REL: variants seen among roughly 807,000 people sequenced by gnomAD.
REL encodes the protein REL proto-oncogene, NF-kB subunit.
REL carries 15 observed loss-of-function variants against 45.9 expected under a neutral mutation model. The observed-to-expected ratio is 0.33, with a 90% CI of 0.22 to 0.50. The LOEUF is 0.50. REL is among the 20% of genes least tolerant of loss of function. The probability of loss-of-function intolerance (pLI) is 0.98; values close to 1 mark genes in which losing one functional copy is unlikely to be tolerated. For missense variants in REL, 601 were observed against 715.2 expected (o/e 0.84, Z 1.82); for synonymous variants, 239 against 242.1 (o/e 0.99, Z 0.12).
At position 60,925,010 on chromosome 2, in the gene REL, A is replaced by G. The variant is rs1381649068; in HGVS notation, c.*2475A>G. 1 of 202,446 alleles carries G rather than the reference A, an allele frequency of 4.9e-6. No homozygotes were observed. The highest frequency in any genetic ancestry group is 1.0e-5 in the Non-Finnish European group (1 of 98,446). The allele number at this position is 202,446 out of a possible 1,614,324, so 12.5% of individuals were successfully genotyped here. ...TTATATTTTGGAGTTTTCATTTGAT[A>G]TATAATTATTTATTTTGCCCTTTTA... On this transcript the variant is annotated 3_prime_UTR_variant, in exon 10 of 10. Transcript: ENST00000394479.
intron 2 of REL, among the ~76,000 whole-genome samples, chr2:60,893,433 G>A (rs1200727687): frequency 6.6e-6 from 1 of 152,092 alleles, no homozygotes; most frequent in Non-Finnish European, 1.5e-5. Flanking sequence ...AGGAAATAAG[G>A]AAATACTATT....
Position 60,930,500 on chromosome 2 carries a change from T to C in REL, c.*7965T>C, listed in dbSNP as rs1674362762. 6.6e-6 allele frequency: 1 copy of C among 152,356 alleles called. No individual in the cohort carries two copies. The allele number at this position is 152,356 out of a possible 1,614,324, so 9.4% of individuals were successfully genotyped here. On this transcript the variant is annotated 3_prime_UTR_variant, in exon 10 of 10. Coordinates refer to ENST00000394479, the MANE Select transcript of REL (RefSeq NM_001291746.2). ...TTGTCTGTATCTAGTTTTATGCCTT[T>C]TTTTTGCCTAAGACGTAGTCAAATT...
chr2:60,895,897 C>T (rs1050254847), intron 3 of REL, among the ~76,000 whole-genome samples: 1 of 152,174 alleles, frequency 6.6e-6, no homozygotes, highest in Admixed American at 6.5e-5. Context: ...TAAACTGATA[C>T]ATTCATGCAA....
At chr2:60,891,383 G>A (rs1038638297) in intron 1 of REL, among the ~76,000 whole-genome samples, 1 of 152,138 alleles carries the variant, frequency 6.6e-6, no homozygotes, top group Non-Finnish European at 1.5e-5. Flanking sequence ...AGATATCTCT[G>A]AAGTGGTTAT....
Position 60,923,262 on chromosome 2 carries a change from A to C in REL, c.*727A>C. 2 of 216,968 alleles carry C rather than the reference A, an allele frequency of 9.2e-6. No individual in the cohort carries two copies. Among genetic ancestry groups the C allele is most frequent in the Non-Finnish European group, 1.9e-5 (2 of 107,584 alleles). 13.4% of individuals were successfully genotyped at this position (216,968 alleles called of 1,614,324 possible). A position where few individuals can be genotyped will look rare whatever the true frequency, so the allele number is the denominator to read the frequency against. On this transcript the variant is annotated 3_prime_UTR_variant, in exon 10 of 10. Transcript: ENST00000394479. ...TTTGTATGTATATCAAAATGTCTTT[A>C]AAATGTTAAGTTGGGCAGAAGGCAG...
In REL at chr2:60,891,706, A is replaced by G. The variant is rs920348659; in HGVS notation, c.34A>G (p.Ile12Val). The G allele has an allele frequency of 2.9e-5, 47 of 1,613,756 alleles. No homozygotes were observed. Among genetic ancestry groups the G allele is most frequent in the Non-Finnish European group, 3.8e-5 (45 of 1,179,896 alleles). The change falls in exon 2 of 10, where the codon ATA (isoleucine) becomes GTA (valine). Residue 12 changes from isoleucine (I) to valine (V), a missense_variant. Physicochemically the swap from Ile to Val is conservative, Grantham distance 29. Around this residue, in one of 4 missense-constraint regions of REL, gnomAD observed 24 missense variants for 18.2 expected, o/e 1.32. Coordinates refer to ENST00000394479, the MANE Select transcript of REL (RefSeq NM_001291746.2). ...AGGTGCGTATAACCCGTATATAGAG[A>G]TAATTGAACAACCCAGGCAGAGGGG... ...ASGAYNPYIE[I>V]IEQPRQRGMR...
intron 4 of REL, among the ~76,000 whole-genome samples, chr2:60,902,100 G>T (rs1019811051): frequency 6.6e-6 from 1 of 151,894 alleles, no homozygotes; most frequent in Non-Finnish European, 1.5e-5. Context: ...CAGAAGTCAG[G>T]AATTAAATGA....
chr2:60,891,578 A>C, intron 1 of REL, 105 bp from the exon 2 acceptor site: 1 of 1,044,666 alleles, frequency 9.6e-7, no homozygotes, highest in Non-Finnish European at 1.3e-6. Context: ...AGGAGGAAAA[A>C]AATCTTTGTT....
At chr2:60,888,775 ATGATTCTTTAATTTCTGAGCTATCAG>A (rs1482650784) in intron 1 of REL, among the ~76,000 whole-genome samples, 3 of 152,208 alleles carry the variant, frequency 2.0e-5, no homozygotes, top group Non-Finnish European at 4.4e-5. Context: ...GGAATCATCA[ATGATTCTTTAATTTCTGAGCTATCAG>A]TGATTCTTTA....
At chr2:60,881,885 G>T in intron 1 of REL, 35 bp downstream of exon 1, 1 of 1,428,094 alleles carries the variant, frequency 7.0e-7, no homozygotes. Flanking sequence ...TGGGCCGGGG[G>T]AAAGGAGCTC....
In REL at chr2:60,881,598, CT is replaced by C. The variant is rs2103906675; in HGVS notation, c.-242del. 1 of 502,232 alleles carries C rather than the reference CT, an allele frequency of 2.0e-6. No homozygotes were observed. The highest frequency in any genetic ancestry group is 3.5e-5 in the East Asian group (1 of 28,332). 31.1% of individuals were successfully genotyped at this position (502,232 alleles called of 1,614,324 possible). On this transcript the variant is annotated 5_prime_UTR_variant, in exon 1 of 10. Coordinates refer to ENST00000394479, the MANE Select transcript of REL (RefSeq NM_001291746.2). ...CACTCGGCTCTCCCCGCTCCGCCCC[CT>C]GCCCCTGGCTCCCGTACGGTGGACG... is the stretch of plus-strand genomic sequence containing the variant.
rs1239803342 is a variant in REL at position 60,925,911 on chromosome 2, G to A, written c.*3376G>A. 1.3e-5 allele frequency: 3 copies of A among 224,526 alleles called. No individual in the cohort carries two copies. The highest frequency in any genetic ancestry group is 2.7e-5 in the Non-Finnish European group (3 of 112,508). 13.9% of individuals were successfully genotyped at this position (224,526 alleles called of 1,614,324 possible). A position where few individuals can be genotyped will look rare whatever the true frequency, so the allele number is the denominator to read the frequency against. On this transcript the variant is annotated 3_prime_UTR_variant, in exon 10 of 10. Coordinates refer to ENST00000394479, the MANE Select transcript of REL (RefSeq NM_001291746.2). ...CTAAATAAGTGTTGGCTAGTTTTGCGGTGTAAGCAGAATTAAGGTTCTGCT... is the reference window on the plus strand; with the variant it reads ...CTAAATAAGTGTTGGCTAGTTTTGCAGTGTAAGCAGAATTAAGGTTCTGCT...
At chr2:60,903,452 C>T (rs148197798) in intron 4 of REL, among the ~76,000 whole-genome samples, 1,719 of 152,226 alleles carry the variant, frequency 0.011, 13 homozygotes, top group Non-Finnish European at 0.018. Context: ...CAGCTCACTG[C>T]AGCCTTGACC....
Position 60,922,842 on chromosome 2 carries a change from G to A in REL, c.*307G>A, listed in dbSNP as rs1674181614. ...GTGGATCACTTGAGACCAGGAATTC[G>A]AGACCAGCCTGGCCAACATGGTGAA... is the stretch of plus-strand genomic sequence containing the variant. On this transcript the variant is annotated 3_prime_UTR_variant, in exon 10 of 10. Transcript: ENST00000394479. The A allele has an allele frequency of 8.0e-6, 4 of 502,934 alleles. No individual in the cohort carries two copies. Among genetic ancestry groups the A allele is most frequent in the East Asian group, 2.0e-4 (2 of 9,764 alleles). 31.2% of individuals were successfully genotyped at this position (502,934 alleles called of 1,614,324 possible).
chr2:60,908,402 T>C (rs1673720391), intron 4 of REL, among the ~76,000 whole-genome samples: 1 of 152,198 alleles, frequency 6.6e-6, no homozygotes, highest in Non-Finnish European at 1.5e-5. Flanking sequence ...AGAAACAGTC[T>C]CTAGCAAACG....
Position 60,918,251 on chromosome 2 carries a change from G to A in REL, c.596G>A (p.Arg199Lys), listed in dbSNP as rs1206197018. 1 of 1,609,528 alleles carries A rather than the reference G, an allele frequency of 6.2e-7. No homozygotes were observed. Among genetic ancestry groups the A allele is most frequent in the South Asian group, 1.1e-5 (1 of 90,360 alleles). The change falls in exon 6 of 10, where the codon AGA (arginine) becomes AAA (lysine). Residue 199 changes from arginine (R) to lysine (K), a missense_variant. Coordinates refer to ENST00000394479, the MANE Select transcript of REL (RefSeq NM_001291746.2). ...GTAAACAAGAATTGTGGAAGTGTCA[G>A]AGGAGGAGATGAAATATTTCTACTT... is the stretch of plus-strand genomic sequence containing the variant. ...CRVNKNCGSV[R>K]GGDEIFLLCD...
chr2:60,891,390 T>C (rs1416297313), intron 1 of REL, among the ~76,000 whole-genome samples: 4 of 152,344 alleles, frequency 2.6e-5, no homozygotes, highest in African/African-American at 7.2e-5. Context: ...TCTGAAGTGG[T>C]TATCTCAGAA....
intron 4 of REL, among the ~76,000 whole-genome samples, chr2:60,914,546 A>T (rs1673906104): frequency 6.6e-6 from 1 of 152,134 alleles, no homozygotes; most frequent in East Asian, 1.9e-4. Context: ...ATAAACTTTT[A>T]TTGAGATACA....
chr2:60,919,090 A>G lies in REL; in HGVS notation c.853+484A>G, dbSNP rs1209365556. Among the ~76,000 whole-genome samples, 4 of 152,146 alleles carry G rather than the reference A, an allele frequency of 2.6e-5. 1 individual carries two copies. The highest frequency in any genetic ancestry group is 4.1e-4 in the South Asian group (2 of 4,832). On this transcript the variant is annotated intron_variant, in intron 7 of 9. Coordinates refer to ENST00000394479, the MANE Select transcript of REL (RefSeq NM_001291746.2). ...ATCTAAACTGCTTACTAAAATTTCT[A>G]TTTTATTTTTGAAGGTCTGTTTTAG...
Sources: allele counts gnomAD v4.1 joint callset (sites outside exome capture counted in the v4.1 genomes callset), GRCh38; gene constraint gnomAD v4.1.1; regional missense constraint gnomAD v4.1.1; transcripts MANE v1.5; gene names NCBI Gene and HGNC (gene_info 2026-07-23, HGNC 2026-07-21).